The following ARHGAP24 variants were observed in gnomAD, a reference collection of about 807,000 sequenced individuals.
ARHGAP24 encodes Rho GTPase activating protein 24, also known as rho GTPase-activating protein 24.
In ARHGAP24, 50 loss-of-function variants were observed where a neutral mutation model predicts 76.4. That is an observed-to-expected ratio of 0.65 (90% confidence interval 0.52 to 0.83). The LOEUF (loss-of-function observed/expected upper bound fraction) is 0.83, where lower values mean the gene tolerates loss of function less well. ARHGAP24 is among the 40% of genes least tolerant of loss of function. The probability of loss-of-function intolerance (pLI) is 0.00; values close to 1 mark genes in which losing one functional copy is unlikely to be tolerated. For missense variants in ARHGAP24, 930 were observed against 914.2 expected (o/e 1.02, Z -0.22); for synonymous variants, 345 against 323.3 (o/e 1.07, Z -0.72).
At chr4:85,759,758 A>G (rs1234285176) in intron 3 of ARHGAP24, among the ~76,000 whole-genome samples, 1 of 152,182 alleles carries the variant, frequency 6.6e-6, no homozygotes, top group Non-Finnish European at 1.5e-5. Flanking sequence ...TGAAACAGAC[A>G]TTAAAGGGGG....
chr4:85,476,604 G>T (rs148730535), intron 1 of ARHGAP24, among the ~76,000 whole-genome samples: 2 of 152,276 alleles, frequency 1.3e-5, no homozygotes, highest in South Asian at 2.1e-4. Flanking sequence ...GGAATCCAGG[G>T]ATATTTGCAG....
intron 3 of ARHGAP24, among the ~76,000 whole-genome samples, chr4:85,899,898 A>C (rs1174466411): frequency 6.6e-6 from 1 of 152,236 alleles, no homozygotes; most frequent in Non-Finnish European, 1.5e-5. Context: ...AAAAGTAAAA[A>C]GTAATTCATA....
Position 85,586,981 on chromosome 4 carries a change from A to G in ARHGAP24, c.180+16260A>G, listed in dbSNP as rs1446387995. Among the ~76,000 whole-genome samples, 4 of 152,208 alleles carry G rather than the reference A, an allele frequency of 2.6e-5. No individual in the cohort carries two copies. The East Asian group carries it at 7.7e-4, about 29-fold the overall frequency. The stretch of plus-strand genomic sequence containing the variant: ...CCTTAAAATTGCTTATATTTTTAGC[A>G]GAGTTTCAAAGCCAGGTCTTCTGCT... On this transcript the variant is annotated intron_variant, in intron 2 of 9. Transcript: ENST00000395184.
intron 8 of ARHGAP24, chr4:85,992,249 T>C (rs1740374513): frequency 2.5e-6 from 1 of 396,188 alleles, no homozygotes; most frequent in African/African-American, 2.1e-5. Context: ...CGAGCTAGTC[T>C]GTCCTAAACA....
At chr4:85,839,415 A>G (rs1730464978) in intron 3 of ARHGAP24, among the ~76,000 whole-genome samples, 1 of 152,186 alleles carries the variant, frequency 6.6e-6, no homozygotes, top group Non-Finnish European at 1.5e-5. Context: ...AGTTCAGATA[A>G]AGCTTTAAAC....
At chr4:85,905,765 A>AG (rs1734740813) in intron 3 of ARHGAP24, among the ~76,000 whole-genome samples, 1 of 152,232 alleles carries the variant, frequency 6.6e-6, no homozygotes, top group African/African-American at 2.4e-5. Flanking sequence ...GACTGTCAGA[A>AG]GCAGTCGGTT....
intron 8 of ARHGAP24, among the ~76,000 whole-genome samples, chr4:85,979,384 T>C (rs1173736845): frequency 2.0e-5 from 3 of 152,130 alleles, no homozygotes; most frequent in Non-Finnish European, 4.4e-5. Flanking sequence ...TTCAGTAGCA[T>C]TCAGTACTTT....
At chr4:85,777,990 A>G (rs532442573) in intron 3 of ARHGAP24, among the ~76,000 whole-genome samples, 1 of 152,296 alleles carries the variant, frequency 6.6e-6, no homozygotes, top group African/African-American at 2.4e-5. Flanking sequence ...TATTCAAAAA[A>G]TCTTGATAGA....
intron 3 of ARHGAP24, among the ~76,000 whole-genome samples, chr4:85,817,494 C>T (rs1447058052): frequency 6.6e-6 from 1 of 152,034 alleles, no homozygotes; most frequent in Non-Finnish European, 1.5e-5. Context: ...TTTTTGTGCC[C>T]ATGATATCCT....
In ARHGAP24 at chr4:86,000,932, G is replaced by C; in HGVS notation, c.*210G>C. On this transcript the variant is annotated 3_prime_UTR_variant, in exon 10 of 10. Coordinates refer to ENST00000395184, the MANE Select transcript of ARHGAP24 (RefSeq NM_001025616.3). Reference sequence around the variant, plus strand: ...ATGCTACTGTCAAGTGTTACAACTGGATATGTGTATATAGAGTAGTTTTTC... The same window carrying C: ...ATGCTACTGTCAAGTGTTACAACTGCATATGTGTATATAGAGTAGTTTTTC... The C allele has an allele frequency of 1.5e-6, 1 of 683,008 alleles. No individual in the cohort carries two copies. The highest frequency in any genetic ancestry group is 2.9e-5 in the Admixed American group (1 of 34,246). The allele number at this position is 683,008 out of a possible 1,614,324, so 42.3% of individuals were successfully genotyped here. A position where few individuals can be genotyped will look rare whatever the true frequency, so the allele number is the denominator to read the frequency against.
intron 2 of ARHGAP24, among the ~76,000 whole-genome samples, chr4:85,693,497 A>G (rs779768440): frequency 2.6e-5 from 4 of 152,164 alleles, no homozygotes; most frequent in Non-Finnish European, 5.9e-5. Flanking sequence ...TCAGCTTAGC[A>G]GTCTCAAGCT....
At chr4:85,715,944 G>A (rs767112636) in intron 2 of ARHGAP24, among the ~76,000 whole-genome samples, 28 of 151,804 alleles carry the variant, frequency 1.8e-4, no homozygotes, top group Non-Finnish European at 3.8e-4. Flanking sequence ...AACTTATATC[G>A]TTTTAATAAA....
intron 5 of ARHGAP24, among the ~76,000 whole-genome samples, chr4:85,964,047 T>C (rs1202069848): frequency 6.6e-6 from 1 of 152,140 alleles, no homozygotes; most frequent in Non-Finnish European, 1.5e-5. Context: ...GTGAGTAATA[T>C]AAACTTGAAC....
chr4:85,698,721 G>A lies in ARHGAP24; in HGVS notation c.181-23164G>A, dbSNP rs115317009. Among the ~76,000 whole-genome samples the A allele has an allele frequency of 5.1e-3, 770 of 152,250 alleles. 5 individuals carry two copies. The highest frequency in any genetic ancestry group is 0.018 in the African/African-American group (728 of 41,548). ...CTTCTTCCTGGCTTCCACATAGCACGTTCATAGTTTGTCCTCCCATGACAA... is the reference window on the plus strand; with the variant it reads ...CTTCTTCCTGGCTTCCACATAGCACATTCATAGTTTGTCCTCCCATGACAA... On this transcript the variant is annotated intron_variant, in intron 2 of 9. Coordinates refer to ENST00000395184, the MANE Select transcript of ARHGAP24 (RefSeq NM_001025616.3).
intron 2 of ARHGAP24, among the ~76,000 whole-genome samples, chr4:85,666,495 C>T (rs958879431): frequency 1.8e-4 from 27 of 152,198 alleles, no homozygotes; most frequent in African/African-American, 5.5e-4. Flanking sequence ...TCTCTCAACT[C>T]GTCAAAGTCA....
chr4:85,512,265 A>T (rs369287465), intron 1 of ARHGAP24, among the ~76,000 whole-genome samples: 1 of 152,228 alleles, frequency 6.6e-6, no homozygotes, highest in Non-Finnish European at 1.5e-5. Context: ...TTCTCACCTC[A>T]TACTGCTGTG....
At chr4:85,863,080 A>G (rs1731993273) in intron 3 of ARHGAP24, among the ~76,000 whole-genome samples, 1 of 151,994 alleles carries the variant, frequency 6.6e-6, no homozygotes, top group South Asian at 2.1e-4. Flanking sequence ...CATGACATCT[A>G]TCTCTAATCT....
At position 85,526,326 on chromosome 4, in the gene ARHGAP24, G is replaced by T. The variant is rs376714568; in HGVS notation, c.-20-44196G>T. Among the ~76,000 whole-genome samples the T allele has an allele frequency of 3.3e-5, 5 of 151,666 alleles. No homozygotes were observed. The East Asian group carries it at 9.7e-4, about 29-fold the overall frequency. ...TGTGTAGGAGGATGGCTTGACCCCA[G>T]GAGGTTGAGACTGCAGTGAGCTGTG... is the stretch of plus-strand genomic sequence containing the variant. On this transcript the variant is annotated intron_variant, in intron 1 of 9. Transcript: ENST00000395184.
At chr4:85,662,758 C>T (rs1372510970) in intron 2 of ARHGAP24, among the ~76,000 whole-genome samples, 1 of 152,136 alleles carries the variant, frequency 6.6e-6, no homozygotes, top group Non-Finnish European at 1.5e-5. Flanking sequence ...TTCCCAGCAC[C>T]ATTTATTAAA....
Sources: allele counts gnomAD v4.1 joint callset (sites outside exome capture counted in the v4.1 genomes callset), GRCh38; gene constraint gnomAD v4.1.1; transcripts MANE v1.5; gene names NCBI Gene and HGNC (gene_info 2026-07-23, HGNC 2026-07-21).